The following SPEG variants were observed in gnomAD, a reference collection of about 807,000 sequenced individuals.
SPEG encodes striated muscle enriched protein kinase.
A neutral mutation model predicts 300.4 loss-of-function variants in SPEG; 114 were observed. The observed-to-expected ratio is 0.38, with a 90% CI of 0.33 to 0.44. The LOEUF is 0.44. Among genes scored for constraint, SPEG ranks in the 20% least tolerant of loss-of-function variants. The probability of loss-of-function intolerance (pLI) is 1.00; values close to 1 mark genes in which losing one functional copy is unlikely to be tolerated. For missense variants in SPEG, 4,201 were observed against 4,586.2 expected, an observed-to-expected ratio of 0.92 and a Z score of 2.43; for synonymous variants, 1,964 against 2,018.9, an observed-to-expected ratio of 0.97 and a Z score of 0.73.
rs932987242 is a variant in SPEG, at chr2:219,493,248, G to A, written c.*462G>A. 1 of 361,276 alleles carries A rather than the reference G, an allele frequency of 2.8e-6. No homozygotes were observed. Among genetic ancestry groups the A allele is most frequent in the African/African-American group, 2.1e-5 (1 of 46,892 alleles). 22.4% of individuals were successfully genotyped at this position (361,276 alleles called of 1,614,324 possible). A position where few individuals can be genotyped will look rare whatever the true frequency, so the allele number is the denominator to read the frequency against. On this transcript the variant is annotated 3_prime_UTR_variant, in exon 41 of 41. Coordinates refer to ENST00000312358, the MANE Select transcript of SPEG (RefSeq NM_005876.5). The stretch of plus-strand genomic sequence containing the variant: ...AAAGCGGGGGCAGGACACAGATACA[G>A]TGGCAGGGGCCCAGGGCTGGGACAT...
chr2:219,490,381 CGG>C, intron 36 of SPEG, 26 bp from the exon 37 acceptor site: 1 of 1,599,440 alleles, frequency 6.3e-7, no homozygotes, highest in Non-Finnish European at 8.5e-7. Context: ...TCCTCTGAGC[CGG>C]TGGTGTCCCT....
rs377338833 is a variant in SPEG at position 219,481,614 on chromosome 2, T to G, written c.5523-24T>G. ...CACTGATGACTGAACGATAAATCCC[T>G]TCTTAATCCTCATTCATTCACAGGA... On this transcript the variant is annotated intron_variant, in intron 27 of 40. Transcript: ENST00000312358. This position sits in a 1 kb window ranked among gnomAD's most constrained non-coding sequence, Gnocchi z 5.4. 2.5e-6 allele frequency: 4 copies of G among 1,613,734 alleles called. No homozygotes were observed. The South Asian group carries it at 4.4e-5, about 18-fold the overall frequency.
intron 6 of SPEG, among the ~76,000 whole-genome samples, chr2:219,452,755 A>G (rs1045516801): frequency 6.6e-6 from 1 of 152,136 alleles, no homozygotes; most frequent in East Asian, 1.9e-4. Context: ...AAGGCGGGAC[A>G]TGCCAAGAGG....
At chr2:219,472,807 G>T in intron 15 of SPEG, 83 bp from the exon 16 acceptor site, 1 of 1,146,372 alleles carries the variant, frequency 8.7e-7, no homozygotes, top group Non-Finnish European at 1.2e-6. Flanking sequence ...GACTAATGAT[G>T]AGTTCCAGGG....
chr2:219,486,932 G>A (rs190127822), intron 31 of SPEG, among the ~76,000 whole-genome samples: 106 of 152,208 alleles, frequency 7.0e-4, no homozygotes, highest in African/African-American at 2.2e-3. Context: ...GGGGTACAGC[G>A]GGAAGGGGGC....
Position 219,489,088 on chromosome 2 carries a change from C to A in SPEG, c.8184C>A (p.Ile2728=). 6.2e-7 allele frequency: 1 copy of A among 1,613,960 alleles called. No individual in the cohort carries two copies. Among genetic ancestry groups the A allele is most frequent in the African/African-American group, 1.3e-5 (1 of 75,000 alleles). ...ESVWHPVSSG[I]PDCYYNVTHL... is the part of the protein sequence containing the mutation. ...TGTGGCACCCTGTGAGCTCAGGCAT[C>A]CCCGACTGTTACTACAACGTGACCC... The change falls in exon 35 of 41, where the codon ATC becomes ATA. Residue 2728 remains isoleucine (I), a synonymous_variant. Transcript: ENST00000312358.
intron 4 of SPEG, chr2:219,450,802 A>G (rs565497495): frequency 9.5e-5 from 18 of 189,502 alleles, no homozygotes; most frequent in Non-Finnish European, 1.5e-4. Flanking sequence ...GGGGCCTGGT[A>G]CGCCATACAT....
chr2:219,448,973 G>A lies in SPEG; in HGVS notation c.1815G>A (p.Gln605=). 6.6e-7 allele frequency: 1 copy of A among 1,509,886 alleles called. No individual in the cohort carries two copies. The allele number at this position is 1,509,886 out of a possible 1,614,324, so 93.5% of individuals were successfully genotyped here. Residue 605 remains glutamine, a synonymous_variant, in exon 4 of 41, where the codon CAG becomes CAA. Transcript: ENST00000312358. Reference sequence around the variant, plus strand: ...CGCTGACCCGGAGCAGAGCCATCCAGGAGTGCAGGAGCCCTGTGCCGCCCC... The same window carrying A: ...CGCTGACCCGGAGCAGAGCCATCCAAGAGTGCAGGAGCCCTGTGCCGCCCC... ...QFPLTRSRAI[Q]ECRSPVPPPA... is the part of the protein sequence containing the mutation.
At position 219,465,906 on chromosome 2, in the gene SPEG, T is replaced by G; in HGVS notation, c.2882-1268T>G. On this transcript the variant is annotated intron_variant, in intron 9 of 40. Coordinates refer to ENST00000312358, the MANE Select transcript of SPEG (RefSeq NM_005876.5). ...GTGTGCATGTGTGCGTATGGGTGTGTGCATGCGTGTGTGTGTGCGCGCGTG... is the reference window on the plus strand; with the variant it reads ...GTGTGCATGTGTGCGTATGGGTGTGGGCATGCGTGTGTGTGTGCGCGCGTG... 7.3e-6 allele frequency: 5 copies of G among 681,150 alleles called. No individual in the cohort carries two copies. In the South Asian group the frequency reaches 8.8e-5, roughly 12 times the overall value. The allele number at this position is 681,150 out of a possible 1,614,324, so 42.2% of individuals were successfully genotyped here. A position where few individuals can be genotyped will look rare whatever the true frequency, so the allele number is the denominator to read the frequency against.
chr2:219,453,445 T>C (rs974114578), intron 6 of SPEG, among the ~76,000 whole-genome samples: 1 of 152,262 alleles, frequency 6.6e-6, no homozygotes, highest in African/African-American at 2.4e-5. Flanking sequence ...ACGGGTGCTG[T>C]TGTGTAGAAG....
At position 219,451,711 on chromosome 2, in the gene SPEG, A is replaced by C. The variant is rs1313768168; in HGVS notation, c.2344A>C (p.Arg782=). Residue 782 remains arginine, a synonymous_variant, in exon 6 of 41, where the codon AGG becomes CGG. Coordinates refer to ENST00000312358, the MANE Select transcript of SPEG (RefSeq NM_005876.5). This position sits in a 1 kb window ranked among gnomAD's most constrained non-coding sequence, Gnocchi z 6.4. Reference sequence around the variant, plus strand: ...GGGTGAGCGGCACACCCTGCTGCTCAGGGAGGCCAGGGCAGCAGATGCCGG... The same window carrying C: ...GGGTGAGCGGCACACCCTGCTGCTCCGGGAGGCCAGGGCAGCAGATGCCGG... The part of the protein sequence containing the change: ...AEGERHTLLL[R]EARAADAGSY... 1 of 1,567,614 alleles carries C rather than the reference A, an allele frequency of 6.4e-7. No homozygotes were observed. The highest frequency in any genetic ancestry group is 2.4e-5 in the East Asian group (1 of 42,360).
Position 219,483,883 on chromosome 2 carries a change from C to G in SPEG, c.6420C>G (p.Gly2140=). 1 of 1,598,440 alleles carries G rather than the reference C, an allele frequency of 6.3e-7. No homozygotes were observed. Among genetic ancestry groups the G allele is most frequent in the Admixed American group, 1.7e-5 (1 of 59,330 alleles). ...SFSQGEAEPR[G]RHRRAGAPLE... is the part of the protein sequence containing the mutation. ...CCCAGGGTGAGGCGGAGCCCCGGGG[C>G]CGGCACCGCCGAGCGGGGGCGCCCC... The change falls in exon 30 of 41, where the codon GGC becomes GGG. Residue 2140 remains glycine, a synonymous_variant. Transcript: ENST00000312358.
chr2:219,485,311 A>G (rs1161809231), intron 30 of SPEG, 35 bp from the exon 31 acceptor site: 1 of 1,590,654 alleles, frequency 6.3e-7, no homozygotes, highest in Non-Finnish European at 8.6e-7. Flanking sequence ...GCTGGTACTG[A>G]CTGAACAAAT....
chr2:219,445,584 G>A lies in SPEG; in HGVS notation c.815+423G>A, dbSNP rs1689219853. On this transcript the variant is annotated intron_variant, in intron 3 of 40. Coordinates refer to ENST00000312358, the MANE Select transcript of SPEG (RefSeq NM_005876.5). This position sits in a 1 kb window ranked among gnomAD's most constrained non-coding sequence, Gnocchi z 6.1. The stretch of plus-strand genomic sequence containing the variant: ...TCTCTGCACATTCCTGTTCCCATGT[G>A]GGCCTTTTTCTGGGAGGAACAGAAC... The A allele has an allele frequency of 4.7e-6, 1 of 211,480 alleles. No individual in the cohort carries two copies. The highest frequency in any genetic ancestry group is 9.5e-6 in the Non-Finnish European group (1 of 104,872). The allele number at this position is 211,480 out of a possible 1,614,324, so 13.1% of individuals were successfully genotyped here. A position where few individuals can be genotyped will look rare whatever the true frequency, so the allele number is the denominator to read the frequency against.
rs1365655364 is a variant in SPEG, at chr2:219,481,912, C to T, written c.5565+232C>T. Reference sequence around the variant, plus strand: ...GAGTTGGGGGTATACATACTGGACTCCAGGGCATACGTCTGGACCTCTCCA... The same window carrying T: ...GAGTTGGGGGTATACATACTGGACTTCAGGGCATACGTCTGGACCTCTCCA... On this transcript the variant is annotated intron_variant, in intron 28 of 40. Transcript: ENST00000312358. This position sits in a 1 kb window ranked among gnomAD's most constrained non-coding sequence, Gnocchi z 5.4. Among the ~76,000 whole-genome samples, 3 of 152,152 alleles carry T rather than the reference C, an allele frequency of 2.0e-5. No individual in the cohort carries two copies. Among genetic ancestry groups the T allele is most frequent in the Non-Finnish European group, 2.9e-5 (2 of 68,020 alleles).
intron 9 of SPEG, chr2:219,466,207 C>T: frequency 2.7e-6 from 4 of 1,468,176 alleles, no homozygotes; most frequent in Non-Finnish European, 3.6e-6. Context: ...CCTCCCCTCC[C>T]CACCCCATGC....
At position 219,451,360 on chromosome 2, in the gene SPEG, C is replaced by T. The variant is rs1244286429; in HGVS notation, c.2257+81C>T. 4.7e-6 allele frequency: 7 copies of T among 1,493,992 alleles called. No individual in the cohort carries two copies. Among genetic ancestry groups the T allele is most frequent in the Admixed American group, 2.3e-5 (1 of 44,096 alleles). The allele number at this position is 1,493,992 out of a possible 1,614,324, so 92.5% of individuals were successfully genotyped here. A position where few individuals can be genotyped will look rare whatever the true frequency, so the allele number is the denominator to read the frequency against. On this transcript the variant is annotated intron_variant, in intron 5 of 40. Transcript: ENST00000312358. This position sits in a 1 kb window ranked among gnomAD's most constrained non-coding sequence, Gnocchi z 6.4. ...AGGGAAGGGGAGGTTCCCCCGGACT[C>T]CTCCAAGGGAGGGGTGGGAAAGAGG...
At chr2:219,437,463 T>C (rs1954748580) in intron 1 of SPEG, 1 of 152,238 alleles carries the variant, frequency 6.6e-6, no homozygotes, top group African/African-American at 2.4e-5. Context: ...GCTGGGCTGC[T>C]CTGGTGGAAC....
intron 6 of SPEG, among the ~76,000 whole-genome samples, chr2:219,456,936 GA>G: frequency 2.0e-5 from 1 of 50,366 alleles, no homozygotes; most frequent in African/African-American, 3.8e-5. Flanking sequence ...AAAAGAAAAA[GA>G]AAAAAAAGAA....
Sources: gnomAD v4.1 joint callset for allele counts (sites outside exome capture counted in the v4.1 genomes callset) on GRCh38, gnomAD v4.1.1 for gene constraint, Gnocchi (gnomAD v3.1) non-coding constraint, MANE v1.5 for transcripts, NCBI Gene and HGNC (gene_info 2026-07-23, HGNC 2026-07-21) for gene names.